The following CFAP95 variants were observed in gnomAD, a reference collection of about 807,000 sequenced individuals.
CFAP95 encodes the protein cilia and flagella associated protein 95, also known as cilia- and flagella-associated protein 95.
chr9:69,827,641 G>T, the CFAP95 span, among the ~76,000 whole-genome samples: 2 of 152,280 alleles, frequency 1.3e-5, no homozygotes, highest in Non-Finnish European at 2.9e-5. Context: ...CCTTGTCCTT[G>T]CTCGCCTCAT....
the CFAP95 span, among the ~76,000 whole-genome samples, chr9:69,871,514 G>C: frequency 6.6e-6 from 1 of 151,730 alleles, no homozygotes. Flanking sequence ...GATGTAATAA[G>C]GGCCTGACCT....
At chr9:69,883,351 T>C in the CFAP95 span, among the ~76,000 whole-genome samples, 1 of 152,082 alleles carries the variant, frequency 6.6e-6, no homozygotes, top group African/African-American at 2.4e-5. Context: ...GGAATGACTC[T>C]GGTTGGAGGG....
chr9:69,829,720 G>A, the CFAP95 span, among the ~76,000 whole-genome samples: 12 of 152,266 alleles, frequency 7.9e-5, no homozygotes, highest in Non-Finnish European at 1.3e-4. Context: ...GAGTGTTGTG[G>A]TTGGGAGAGG....
chr9:69,862,872 G>A, the CFAP95 span, among the ~76,000 whole-genome samples: 45 of 152,242 alleles, frequency 3.0e-4, no homozygotes, highest in African/African-American at 1.0e-3. Flanking sequence ...CCATAAGTGG[G>A]TAGCAAACAT....
the CFAP95 span, among the ~76,000 whole-genome samples, chr9:69,897,236 A>G: frequency 6.6e-6 from 1 of 152,242 alleles, no homozygotes; most frequent in African/African-American, 2.4e-5. Flanking sequence ...TAACTCAAAT[A>G]TCATTTTAAA....
the CFAP95 span, among the ~76,000 whole-genome samples, chr9:69,880,805 A>G: frequency 0.011 from 1,630 of 152,190 alleles, 29 homozygotes; most frequent in African/African-American, 0.038. Context: ...TTTTCTCCAC[A>G]TCCTCACCAG....
chr9:69,899,786 T>C, the CFAP95 span, among the ~76,000 whole-genome samples: 8 of 152,234 alleles, frequency 5.3e-5, no homozygotes, highest in African/African-American at 9.6e-5. Context: ...CTCTGGGCAC[T>C]GAGTCTGCAA....
the CFAP95 span, among the ~76,000 whole-genome samples, chr9:69,879,558 C>G: frequency 6.6e-6 from 1 of 152,026 alleles, no homozygotes; most frequent in African/African-American, 2.4e-5. Flanking sequence ...ATACATCCTA[C>G]GTTCACTTTG....
the CFAP95 span, among the ~76,000 whole-genome samples, chr9:69,839,892 A>G: frequency 6.6e-6 from 1 of 151,040 alleles, no homozygotes; most frequent in Non-Finnish European, 1.5e-5. Flanking sequence ...CCTGGCCAAC[A>G]TGGTGAAACC....
At chr9:69,900,192 A>AT in the CFAP95 span, among the ~76,000 whole-genome samples, 3 of 152,050 alleles carry the variant, frequency 2.0e-5, no homozygotes, top group Non-Finnish European at 4.4e-5. Flanking sequence ...AGATCATCAA[A>AT]CCTGAGGTGG....
At chr9:69,869,314 T>G in the CFAP95 span, among the ~76,000 whole-genome samples, 1 of 152,118 alleles carries the variant, frequency 6.6e-6, no homozygotes, top group Non-Finnish European at 1.5e-5. Context: ...ACAACATAGA[T>G]AAACCTAGAG....
chr9:69,871,561 A>AT, the CFAP95 span, among the ~76,000 whole-genome samples: 1 of 151,448 alleles, frequency 6.6e-6, no homozygotes, highest in South Asian at 2.1e-4. Context: ...AAGGGTGCAG[A>AT]TTTTAGATCT....
the CFAP95 span, among the ~76,000 whole-genome samples, chr9:69,875,396 T>C: frequency 6.6e-6 from 1 of 152,224 alleles, no homozygotes; most frequent in Non-Finnish European, 1.5e-5. Context: ...GTAGTTAATC[T>C]ATATCTCTTT....
the CFAP95 span, among the ~76,000 whole-genome samples, chr9:69,872,438 G>A: frequency 6.6e-6 from 1 of 152,072 alleles, no homozygotes; most frequent in African/African-American, 2.4e-5. Context: ...GATACTAATG[G>A]GAGGAGTTTA....
chr9:69,886,853 G>A, the CFAP95 span: 52 of 1,612,720 alleles, frequency 3.2e-5, no homozygotes, highest in East Asian at 4.5e-5. Context: ...CATTGACAAC[G>A]TACTCAGAAG....
chr9:69,855,121 C>T, the CFAP95 span, among the ~76,000 whole-genome samples: 1 of 152,154 alleles, frequency 6.6e-6, no homozygotes, highest in Non-Finnish European at 1.5e-5. Context: ...CAGAGGGTTG[C>T]TTTGAGAAGG....
the CFAP95 span, among the ~76,000 whole-genome samples, chr9:69,900,275 G>A: frequency 6.6e-6 from 1 of 152,006 alleles, no homozygotes; most frequent in Non-Finnish European, 1.5e-5. Context: ...CATGACTATT[G>A]TTTTACACTA....
At chr9:69,842,973 G>C in the CFAP95 span, among the ~76,000 whole-genome samples, 1 of 152,176 alleles carries the variant, frequency 6.6e-6, no homozygotes, top group Admixed American at 6.5e-5. Context: ...CTGAGCCCTA[G>C]TCCAGTGGGG....
chr9:69,870,004 A>T, the CFAP95 span, among the ~76,000 whole-genome samples: 1 of 152,226 alleles, frequency 6.6e-6, no homozygotes. Flanking sequence ...CTTCACAGGA[A>T]TAAGAAATTT....
Sources: allele counts gnomAD v4.1 joint callset (sites outside exome capture counted in the v4.1 genomes callset), GRCh38; gene constraint gnomAD v4.1.1; transcripts MANE v1.5; gene names NCBI Gene and HGNC (gene_info 2026-07-23, HGNC 2026-07-21).